The following VPS13B variants were observed in gnomAD, a reference collection of about 807,000 sequenced individuals.
VPS13B encodes vacuolar protein sorting 13 homolog B, also known as intermembrane lipid transfer protein VPS13B.
In VPS13B, 285 loss-of-function variants were observed where a neutral mutation model predicts 426.4. That is an observed-to-expected ratio of 0.67 (90% CI 0.61 to 0.74). VPS13B has a LOEUF of 0.74. Among genes scored for constraint, VPS13B ranks in the 30% least tolerant of loss-of-function variants. The probability of loss-of-function intolerance (pLI) is 0.00; values close to 1 mark genes in which losing one functional copy is unlikely to be tolerated. For missense variants in VPS13B, 4,537 were observed against 4,782.6 expected (o/e 0.95, Z 1.51); for synonymous variants, 1,676 against 1,676.4 (o/e 1.00, Z 0.01).
intron 15 of VPS13B, among the ~76,000 whole-genome samples, chr8:99,159,604 A>G (rs1482025598): frequency 1.3e-5 from 2 of 152,172 alleles, no homozygotes; most frequent in African/African-American, 4.8e-5. Context: ...ATCAAGGCAA[A>G]AAGGTTATTA....
At chr8:99,435,265 A>G (rs1817311810) in intron 22 of VPS13B, among the ~76,000 whole-genome samples, 1 of 152,192 alleles carries the variant, frequency 6.6e-6, no homozygotes, top group African/African-American at 2.4e-5. Context: ...TTTACTATAG[A>G]TCTAAATGCT....
Position 99,854,231 on chromosome 8 carries a change from T to G in VPS13B, c.10842T>G (p.Tyr3614Ter). The change falls in exon 56 of 62, where the codon TAT becomes TAG. Residue 3614 changes from tyrosine to a stop codon, truncating the protein, a stop_gained. Transcript: ENST00000357162. LOFTEE classifies it high-confidence loss of function. Reference sequence around the variant, plus strand: ...TTGTGCACGCCCTGGCAATGCACTATGCCGCTGGGGCCCTTTTTAGAGCAG... The same window carrying G: ...TTGTGCACGCCCTGGCAATGCACTAGGCCGCTGGGGCCCTTTTTAGAGCAG... ...RQLVHALAMHYAAGALFRAGW... is the reference protein window; with the variant it reads ...RQLVHALAMH 1 of 1,614,098 alleles carries G rather than the reference T, an allele frequency of 6.2e-7. No individual in the cohort carries two copies. Among genetic ancestry groups the G allele is most frequent in the Non-Finnish European group, 8.5e-7 (1 of 1,180,020 alleles).
intron 35 of VPS13B, among the ~76,000 whole-genome samples, chr8:99,673,385 A>G (rs374864828): frequency 4.8e-4 from 73 of 152,088 alleles, no homozygotes; most frequent in Middle Eastern, 3.4e-3. Flanking sequence ...GAATTTATCC[A>G]TTAGGTTATT....
intron 21 of VPS13B, among the ~76,000 whole-genome samples, chr8:99,405,093 T>C (rs1408882906): frequency 6.6e-6 from 1 of 152,216 alleles, no homozygotes; most frequent in Non-Finnish European, 1.5e-5. Flanking sequence ...TACAGATGCC[T>C]ACATAATGAA....
rs778200857 is a variant in VPS13B, at chr8:99,817,742, A to C, written c.8300A>C (p.Glu2767Ala). The C allele has an allele frequency of 8.7e-6, 14 of 1,614,120 alleles. No individual in the cohort carries two copies. Among genetic ancestry groups the C allele is most frequent in the Non-Finnish European group, 1.2e-5 (14 of 1,180,004 alleles). ...TELCVKAKGD[E>A]DWSRDVCLES... The stretch of plus-strand genomic sequence containing the variant: ...CTGTGTGTGAAGGCCAAAGGAGATG[A>C]AGACTGGTCAAGAGATGTGTGCCTG... The change falls in exon 45 of 62, where the codon GAA (glutamate) becomes GCA (alanine). Residue 2767 changes from glutamate (E) to alanine (A), a missense_variant. Glu to Ala is a moderately radical substitution (Grantham distance 107). Transcript: ENST00000357162.
At chr8:99,413,684 A>C (rs1176120572) in intron 21 of VPS13B, among the ~76,000 whole-genome samples, 1 of 152,018 alleles carries the variant, frequency 6.6e-6, no homozygotes, top group Non-Finnish European at 1.5e-5. Context: ...TAATTTTATT[A>C]TTTACCCAGT....
chr8:99,032,112 A>C (rs1427900741), intron 2 of VPS13B, among the ~76,000 whole-genome samples: 1 of 152,140 alleles, frequency 6.6e-6, no homozygotes, highest in Non-Finnish European at 1.5e-5. Context: ...TTTTCTCGTC[A>C]ATAGGGAGTC....
intron 19 of VPS13B, among the ~76,000 whole-genome samples, chr8:99,314,665 G>C (rs1397040388): frequency 6.6e-6 from 1 of 152,004 alleles, no homozygotes; most frequent in Non-Finnish European, 1.5e-5. Flanking sequence ...TGTCCAGGCT[G>C]GTGTGAAACT....
intron 54 of VPS13B, among the ~76,000 whole-genome samples, chr8:99,838,001 G>A (rs146387533): frequency 8.2e-4 from 125 of 152,290 alleles, no homozygotes; most frequent in African/African-American, 2.2e-3. Flanking sequence ...AGATAGTCTC[G>A]TGTTGTAGAA....
chr8:99,853,442 C>G lies in VPS13B; in HGVS notation c.10062-9C>G. On this transcript the variant is annotated splice_polypyrimidine_tract_variant and intron_variant, in intron 55 of 61. Coordinates refer to ENST00000357162, the MANE Select transcript of VPS13B (RefSeq NM_152564.5). ...GGGGGACTAATGTTCTTGTCCCTTT[C>G]TCCTCTAGAGCGCCAGAGAAGATTG... 1 of 1,614,078 alleles carries G rather than the reference C, an allele frequency of 6.2e-7. No individual in the cohort carries two copies. The highest frequency in any genetic ancestry group is 8.5e-7 in the Non-Finnish European group (1 of 1,180,022).
At chr8:99,640,022 TAATAAG>T (rs1349947211) in intron 33 of VPS13B, among the ~76,000 whole-genome samples, 1,019 of 89,384 alleles carry the variant, frequency 0.011, 28 homozygotes, top group South Asian at 0.016. Flanking sequence ...ATAATAATAA[TAATAAG>T]AAGAAGAAGA....
intron 28 of VPS13B, 144 bp from the exon 29 acceptor site, chr8:99,510,960 G>A: frequency 2.3e-6 from 2 of 864,688 alleles, no homozygotes; most frequent in Non-Finnish European, 3.6e-6. Context: ...CACATCTGCA[G>A]AATTGATCAG....
chr8:99,821,798 C>T (rs1030363705), intron 50 of VPS13B, among the ~76,000 whole-genome samples: 3 of 152,070 alleles, frequency 2.0e-5, no homozygotes, highest in Non-Finnish European at 4.4e-5. Context: ...ACTTGGCCTC[C>T]TTCTTTAGAG....
intron 19 of VPS13B, among the ~76,000 whole-genome samples, chr8:99,292,040 T>C (rs1819765589): frequency 6.6e-6 from 1 of 152,146 alleles, no homozygotes; most frequent in African/African-American, 2.4e-5. Flanking sequence ...GCTGCTTTGT[T>C]TTCTAAGACA....
chr8:99,609,669 A>G (rs1355719184), intron 33 of VPS13B, among the ~76,000 whole-genome samples: 1 of 152,172 alleles, frequency 6.6e-6, no homozygotes, highest in Non-Finnish European at 1.5e-5. Context: ...TGTACTTCCT[A>G]TTTCATTGAA....
intron 17 of VPS13B, among the ~76,000 whole-genome samples, chr8:99,213,781 A>G (rs891180613): frequency 6.7e-6 from 1 of 149,866 alleles, no homozygotes; most frequent in African/African-American, 2.4e-5. Context: ...TGAGCTGACT[A>G]AGCTTTCATC....
Position 99,777,902 on chromosome 8 carries a change from A to C in VPS13B, c.7430-780A>C, listed in dbSNP as rs541499627. ...CTCATATATTAGGTTTTTGACCTAC[A>C]TGTAATGAAGGGAAGAGGAGAAAAT... On this transcript the variant is annotated intron_variant, in intron 41 of 61. Coordinates refer to ENST00000357162, the MANE Select transcript of VPS13B (RefSeq NM_152564.5). 1.2e-4 allele frequency among the ~76,000 whole-genome samples: 18 copies of C among 152,238 alleles called. No individual in the cohort carries two copies. The South Asian group carries it at 1.7e-3, about 14-fold the overall frequency.
At chr8:99,052,525 T>C (rs1385989817) in intron 3 of VPS13B, among the ~76,000 whole-genome samples, 1 of 132,916 alleles carries the variant, frequency 7.5e-6, no homozygotes, top group Non-Finnish European at 1.6e-5. Flanking sequence ...GACTTTGGTA[T>C]CAGGATGATG....
At position 99,058,066 on chromosome 8, in the gene VPS13B, C is replaced by A. The variant is rs1843978716; in HGVS notation, c.291+19500C>A. ...TTGTTTTCGAAGTGTGATCTGAAGA[C>A]CTCCAGGTGTTCCCAAGTTTTTTCT... On this transcript the variant is annotated intron_variant, in intron 3 of 61. Transcript: ENST00000357162. Among the ~76,000 whole-genome samples, 3 of 152,190 alleles carry A rather than the reference C, an allele frequency of 2.0e-5. No individual in the cohort carries two copies. In the South Asian group the frequency reaches 6.2e-4, roughly 32 times the overall value.
Sources: gnomAD v4.1 joint callset for allele counts (sites outside exome capture counted in the v4.1 genomes callset) on GRCh38, gnomAD v4.1.1 for gene constraint, MANE v1.5 for transcripts, NCBI Gene and HGNC (gene_info 2026-07-23, HGNC 2026-07-21) for gene names.